Variants in CDH5 observed in about 807,000 individuals in gnomAD.
The protein encoded by CDH5 is cadherin-5.
CDH5 carries 28 observed loss-of-function variants against 62.0 expected under a neutral mutation model. The ratio of observed to expected loss-of-function variants is 0.45; its 90% CI spans 0.33 to 0.62. CDH5 has a LOEUF of 0.62. CDH5 is among the 20% of genes least tolerant of loss of function. The pLI, the probability that CDH5 is intolerant of heterozygous loss-of-function variation, is 0.02. For synonymous variants in CDH5, 464 were observed against 445.8 expected, an observed-to-expected ratio of 1.04 and a Z score of -0.52; for missense variants, 940 against 1,065.1, an observed-to-expected ratio of 0.88 and a Z score of 1.63.
chr16:66,379,681 G>A (rs1721871788), intron 2 of CDH5, 134 bp downstream of exon 2: 9 of 737,778 alleles, frequency 1.2e-5, no homozygotes, highest in Non-Finnish European at 2.1e-5. Flanking sequence ...TGATAAGGGT[G>A]AAGGTGGTAG....
intron 10 of CDH5, among the ~76,000 whole-genome samples, chr16:66,400,249 T>C (rs1182681349): frequency 1.3e-5 from 2 of 152,266 alleles, no homozygotes; most frequent in African/African-American, 4.8e-5. Context: ...CGCAATTCTA[T>C]ATGTAATCAT....
At chr16:66,387,301 C>G (rs1961004042) in intron 3 of CDH5, among the ~76,000 whole-genome samples, 1 of 152,254 alleles carries the variant, frequency 6.6e-6, no homozygotes, top group African/African-American at 2.4e-5. Flanking sequence ...AGCTCTGACC[C>G]TAGTCATAGA....
intron 3 of CDH5, 102 bp from the exon 4 acceptor site, chr16:66,388,222 G>C (rs1961019781): frequency 1.4e-6 from 1 of 734,636 alleles, no homozygotes; most frequent in Non-Finnish European, 2.4e-6. Context: ...CCTGGGGGAG[G>C]TGGGGACAGA....
intron 9 of CDH5, 45 bp downstream of exon 9, chr16:66,398,151 G>T: frequency 1.2e-6 from 2 of 1,612,402 alleles, no homozygotes; most frequent in Non-Finnish European, 1.7e-6. Context: ...CCACCCTGGG[G>T]CAGGCTGGGG....
rs1390990497 is a variant in CDH5 at position 66,404,519 on chromosome 16, T to A, written c.*1350T>A. The A allele has an allele frequency of 6.6e-6, 1 of 152,260 alleles. No individual in the cohort carries two copies. Among genetic ancestry groups the A allele is most frequent in the African/African-American group, 2.4e-5 (1 of 41,476 alleles). 9.4% of individuals were successfully genotyped at this position (152,260 alleles called of 1,614,324 possible). A position where few individuals can be genotyped will look rare whatever the true frequency, so the allele number is the denominator to read the frequency against. On this transcript the variant is annotated 3_prime_UTR_variant, in exon 12 of 12. Transcript: ENST00000341529. The stretch of plus-strand genomic sequence containing the variant: ...GTTTTAACCAATAACTAGCTTCTTA[T>A]AATGATTTTTTTACTAATGATACTT...
intron 2 of CDH5, among the ~76,000 whole-genome samples, chr16:66,385,612 A>G (rs1242539274): frequency 6.6e-6 from 1 of 152,212 alleles, no homozygotes; most frequent in Admixed American, 6.5e-5. Flanking sequence ...TATTCTCACC[A>G]TGTCTCATTT....
chr16:66,379,196 G>T (rs573167902), intron 1 of CDH5, 123 bp from the exon 2 acceptor site: 6 of 722,668 alleles, frequency 8.3e-6, no homozygotes, highest in South Asian at 7.4e-5. Context: ...TTAATTACCC[G>T]CAGATTGTGT....
At chr16:66,371,328 G>T (rs1008457953) in intron 1 of CDH5, among the ~76,000 whole-genome samples, 3 of 152,126 alleles carry the variant, frequency 2.0e-5, no homozygotes, top group Non-Finnish European at 4.4e-5. Flanking sequence ...GGTCTTCAGT[G>T]CCCCCACTCC....
At chr16:66,397,885 A>T (rs1961213068) in intron 8 of CDH5, 97 bp from the exon 9 acceptor site, 2 of 1,410,092 alleles carry the variant, frequency 1.4e-6, no homozygotes. Flanking sequence ...TCCTGCAAAA[A>T]GTGGCCTCCA....
rs771913209 is a variant in CDH5 at position 66,386,959 on chromosome 16, G to C, written c.361G>C (p.Val121Leu). The change falls in exon 3 of 12, where the codon GTC (valine) becomes CTC (leucine). Residue 121 changes from valine to leucine, a missense_variant. Val to Leu is a conservative substitution (Grantham distance 32, BLOSUM62 1). Transcript: ENST00000341529. ...TATCTCAGAGTACCACCTCACTGCT[G>C]TCATTGTGGACAAGGACACTGGCGA... ...ENISEYHLTA[V>L]IVDKDTGENL... is the part of the protein sequence containing the mutation. The C allele has an allele frequency of 4.3e-6, 7 of 1,614,206 alleles. No homozygotes were observed. In the South Asian group the frequency reaches 6.6e-5, roughly 15 times the overall value.
chr16:66,400,870 G>C lies in CDH5; in HGVS notation c.1691G>C (p.Ser564Thr). The C allele has an allele frequency of 6.2e-7, 1 of 1,614,204 alleles. No individual in the cohort carries two copies. The highest frequency in any genetic ancestry group is 1.1e-5 in the South Asian group (1 of 91,086). Residue 564 changes from serine (S) to threonine (T), a missense_variant, in exon 11 of 12, where the codon AGT becomes ACT. By Grantham distance (58) the Ser-to-Thr change is moderately conservative. Transcript: ENST00000341529. ...PVVISDNGMP[S>T]RTGTSTLTVA... ...GTCATCTCAGACAATGGGATGCCAA[G>C]TCGCACGGGCACCAGCACGCTGACC...
chr16:66,396,224 G>A (rs1180122596), intron 8 of CDH5, 23 bp downstream of exon 8: 5 of 1,613,272 alleles, frequency 3.1e-6, no homozygotes, highest in Non-Finnish European at 4.2e-6. Flanking sequence ...ATCTGCCAGG[G>A]CACCTGGATT....
intron 11 of CDH5, among the ~76,000 whole-genome samples, chr16:66,401,809 A>G (rs922987236): frequency 3.3e-5 from 5 of 152,076 alleles, no homozygotes; most frequent in African/African-American, 1.2e-4. Flanking sequence ...CCTGCATTTC[A>G]CTCGCCATGA....
chr16:66,379,118 T>C lies in CDH5; in HGVS notation c.-19-201T>C, dbSNP rs1383876532. Reference sequence around the variant, plus strand: ...ATTTATCTTAAATGCGCTTGTTTACTCATGTTGTCCTAAAACCGACCTTTC... The same window carrying C: ...ATTTATCTTAAATGCGCTTGTTTACCCATGTTGTCCTAAAACCGACCTTTC... On this transcript the variant is annotated intron_variant, in intron 1 of 11. Transcript: ENST00000341529. 4 of 555,244 alleles carry C rather than the reference T, an allele frequency of 7.2e-6. No homozygotes were observed. In the African/African-American group the frequency reaches 7.9e-5, roughly 11 times the overall value. 34.4% of individuals were successfully genotyped at this position (555,244 alleles called of 1,614,324 possible).
At chr16:66,380,316 T>C (rs1960872203) in intron 2 of CDH5, among the ~76,000 whole-genome samples, 1 of 145,588 alleles carries the variant, frequency 6.9e-6, no homozygotes, top group South Asian at 2.2e-4. Context: ...ATGACAGTGA[T>C]GATAAAGGGG....
At chr16:66,390,270 A>G in intron 5 of CDH5, 133 bp from the exon 6 acceptor site, 1 of 667,284 alleles carries the variant, frequency 1.5e-6, no homozygotes, top group South Asian at 2.5e-5. Flanking sequence ...TGAGAATCCC[A>G]GGGGTATTAT....
At chr16:66,396,331 G>A (rs988687065) in intron 8 of CDH5, 130 bp downstream of exon 8, 1 of 1,083,128 alleles carries the variant, frequency 9.2e-7, no homozygotes, top group Non-Finnish European at 1.4e-6. Context: ...CGCTGGTTGG[G>A]ATGCTATAGA....
intron 4 of CDH5, among the ~76,000 whole-genome samples, chr16:66,388,926 T>C (rs997138554): frequency 1.3e-5 from 2 of 152,166 alleles, no homozygotes; most frequent in African/African-American, 2.4e-5. Flanking sequence ...CCATAGTAAT[T>C]GCTTATGTGA....
At chr16:66,378,734 G>A (rs543986718) in intron 1 of CDH5, among the ~76,000 whole-genome samples, 33 of 152,256 alleles carry the variant, frequency 2.2e-4, no homozygotes, top group East Asian at 5.8e-4. Flanking sequence ...ACTTGCTTCC[G>A]TCCTAGCACA....
Sources: gnomAD v4.1 joint callset for allele counts (sites outside exome capture counted in the v4.1 genomes callset) on GRCh38, gnomAD v4.1.1 for gene constraint, MANE v1.5 for transcripts, NCBI Gene and HGNC (gene_info 2026-07-23, HGNC 2026-07-21) for gene names.